KAZN: variants seen among roughly 807,000 people sequenced by gnomAD.
The protein encoded by KAZN is kazrin, periplakin interacting protein.
In KAZN, 40 loss-of-function variants were observed where a neutral mutation model predicts 87.4. The observed-to-expected ratio is 0.46, with a 90% CI of 0.36 to 0.60. KAZN has a LOEUF of 0.60. KAZN is among the 20% of genes least tolerant of loss of function. The probability of loss-of-function intolerance (pLI) is 0.00; values close to 1 mark genes in which losing one functional copy is unlikely to be tolerated. For synonymous variants in KAZN, 466 were observed against 458.3 expected (o/e 1.02, Z -0.22); for missense variants, 898 against 1,073.9 (o/e 0.84, Z 2.29).
chr1:14,027,599 A>C (rs941593978), intron 1 of KAZN, among the ~76,000 whole-genome samples: 1 of 152,190 alleles, frequency 6.6e-6, no homozygotes, highest in African/African-American at 2.4e-5. Context: ...GTTCCTACAT[A>C]GAAAGTAATC....
chr1:15,008,818 G>T (rs1371065698), intron 2 of KAZN, among the ~76,000 whole-genome samples: 1 of 152,146 alleles, frequency 6.6e-6, no homozygotes, highest in Non-Finnish European at 1.5e-5. Flanking sequence ...CATAAGAGGA[G>T]CGGCAAGGCT....
chr1:13,935,267 A>ATAATAATAATAATAATAATAATAC (rs1640684661), intron 1 of KAZN, among the ~76,000 whole-genome samples: 1 of 151,674 alleles, frequency 6.6e-6, no homozygotes, highest in Non-Finnish European at 1.5e-5. Context: ...AATAATAATA[A>ATAATAATAATAATAATAATAATAC]TAAGCCTTCA....
intron 2 of KAZN, among the ~76,000 whole-genome samples, chr1:14,358,354 T>A (rs1659216289): frequency 8.8e-6 from 1 of 113,664 alleles, no homozygotes; most frequent in African/African-American, 3.2e-5. Flanking sequence ...ATTTTGTAAA[T>A]CTTTTAAAAA....
At chr1:14,321,594 GCAGT>G (rs1433239684) in intron 2 of KAZN, among the ~76,000 whole-genome samples, 1 of 152,136 alleles carries the variant, frequency 6.6e-6, no homozygotes, top group African/African-American at 2.4e-5. Flanking sequence ...AGCCAGCTGT[GCAGT>G]CAGTTATTTG....
chr1:14,848,441 G>T (rs1649034901), intron 1 of KAZN, among the ~76,000 whole-genome samples: 1 of 152,202 alleles, frequency 6.6e-6, no homozygotes, highest in South Asian at 2.1e-4. Context: ...GGTATTTCAA[G>T]GATGGGGTGA....
At chr1:14,534,605 A>G (rs1362712324) in intron 2 of KAZN, among the ~76,000 whole-genome samples, 1 of 152,152 alleles carries the variant, frequency 6.6e-6, no homozygotes, top group East Asian at 1.9e-4. Flanking sequence ...AGATCGCACC[A>G]CTGCACTCCA....
At chr1:14,754,192 ACCCTGGGCTTTCT>A (rs1362957293) in intron 1 of KAZN, among the ~76,000 whole-genome samples, 1 of 152,148 alleles carries the variant, frequency 6.6e-6, no homozygotes, top group East Asian at 1.9e-4. Context: ...TGCAGGGCCC[ACCCTGGGCTTTCT>A]GCCCAGGGTG....
chr1:14,220,161 T>C (rs1647062294), intron 2 of KAZN, among the ~76,000 whole-genome samples: 1 of 152,170 alleles, frequency 6.6e-6, no homozygotes, highest in Admixed American at 6.6e-5. Context: ...TGGCATTACC[T>C]GAAGTCATAT....
intron 2 of KAZN, among the ~76,000 whole-genome samples, chr1:14,287,265 A>G (rs961945131): frequency 2.0e-5 from 3 of 151,740 alleles, no homozygotes; most frequent in Non-Finnish European, 4.4e-5. Context: ...TTCCCTTCCC[A>G]CTTGTCTTTC....
At chr1:14,826,692 C>A (rs1441911265) in intron 1 of KAZN, among the ~76,000 whole-genome samples, 1 of 152,082 alleles carries the variant, frequency 6.6e-6, no homozygotes, top group Non-Finnish European at 1.5e-5. Flanking sequence ...GATTTTTTTT[C>A]ATCTCGGTTT....
intron 2 of KAZN, among the ~76,000 whole-genome samples, chr1:14,219,629 C>T (rs896360089): frequency 2.0e-5 from 3 of 151,958 alleles, no homozygotes; most frequent in African/African-American, 7.2e-5. Context: ...GAGCACTGCA[C>T]CTAAAATAAG....
intron 2 of KAZN, among the ~76,000 whole-genome samples, chr1:14,478,794 T>C (rs183736800): frequency 6.6e-6 from 1 of 152,284 alleles, no homozygotes; most frequent in East Asian, 1.9e-4. Flanking sequence ...CAGCAACACT[T>C]GGGCTCTGCT....
intron 1 of KAZN, among the ~76,000 whole-genome samples, chr1:14,025,690 T>A (rs909762865): frequency 2.6e-5 from 4 of 152,180 alleles, no homozygotes; most frequent in Admixed American, 6.6e-5. Flanking sequence ...ATTGAGCATT[T>A]CAAATGTGGC....
chr1:14,604,794 C>T (rs1312462748), intron 1 of KAZN, among the ~76,000 whole-genome samples: 1 of 152,182 alleles, frequency 6.6e-6, no homozygotes, highest in Non-Finnish European at 1.5e-5. Flanking sequence ...ATTGAGACCT[C>T]AGCACAGGAG....
intron 1 of KAZN, among the ~76,000 whole-genome samples, chr1:13,915,383 A>T (rs1298755792): frequency 2.0e-5 from 3 of 152,256 alleles, no homozygotes; most frequent in African/African-American, 7.2e-5. Flanking sequence ...TAACATTAAT[A>T]TATTTGTCTT....
chr1:14,857,872 A>G (rs1246274732), intron 1 of KAZN, among the ~76,000 whole-genome samples: 1 of 152,168 alleles, frequency 6.6e-6, no homozygotes, highest in African/African-American at 2.4e-5. Context: ...TTTAAAGAGT[A>G]CAATTCACAC....
rs373748578 is a variant in KAZN, at chr1:14,514,329, A to AAAAATATATATATAT, written c.250-84653_250-84652insAAATATATATATATA. Among the ~76,000 whole-genome samples the AAAAATATATATATAT allele has an allele frequency of 2.6e-3, 61 of 23,504 alleles. 1 individual carries two copies. Among genetic ancestry groups the AAAAATATATATATAT allele is most frequent in the African/African-American group, 7.0e-3 (60 of 8,630 alleles). The allele number at this position is 23,504 out of a possible 152,430, so 15.4% of individuals were successfully genotyped here. A position where few individuals can be genotyped will look rare whatever the true frequency, so the allele number is the denominator to read the frequency against. On this transcript the variant is annotated intron_variant, in intron 2 of 16. Transcript: ENST00000636203. ...GACAGAGCAAGACTCTGTCTCAAAA[A>AAAAATATATATATAT]ATTTATATATATATTTATATATATT... is the stretch of plus-strand genomic sequence containing the variant.
intron 1 of KAZN, among the ~76,000 whole-genome samples, chr1:13,992,411 C>T (rs1467366006): frequency 6.6e-6 from 1 of 152,172 alleles, no homozygotes; most frequent in East Asian, 1.9e-4. Context: ...TTACTCTCCT[C>T]TTTTGCTGTC....
chr1:14,079,277 A>T (rs1227030807), intron 1 of KAZN, among the ~76,000 whole-genome samples: 2 of 152,358 alleles, frequency 1.3e-5, no homozygotes, highest in East Asian at 3.9e-4. Context: ...AACAAAGTGC[A>T]GCTTGCTGCT....
Sources: allele counts gnomAD v4.1 joint callset (sites outside exome capture counted in the v4.1 genomes callset), GRCh38; gene constraint gnomAD v4.1.1; transcripts MANE v1.5; gene names NCBI Gene and HGNC (gene_info 2026-07-23, HGNC 2026-07-21).